Variants in ZNF660 observed in about 807,000 individuals in gnomAD.
ZNF660 encodes zinc finger protein 660.
A neutral mutation model predicts 23.2 loss-of-function variants in ZNF660; 24 were observed. The ratio of observed to expected loss-of-function variants is 1.04; its 90% CI spans 0.75 to 1.46. The LOEUF (loss-of-function observed/expected upper bound fraction) is 1.46, where lower values mean the gene tolerates loss of function less well. ZNF660 is among the 40% of genes most tolerant of loss of function. ZNF660 has a pLI of 0.00. For synonymous variants in ZNF660, 117 were observed against 131.4 expected, an observed-to-expected ratio of 0.89 and a Z score of 0.75; for missense variants, 373 against 396.8, an observed-to-expected ratio of 0.94 and a Z score of 0.51.
chr3:44,593,740 T>C (rs982891191), intron 2 of ZNF660, among the ~76,000 whole-genome samples: 1 of 143,406 alleles, frequency 7.0e-6, no homozygotes, highest in Non-Finnish European at 1.5e-5. Flanking sequence ...ATTCAGGGAG[T>C]AGAGGATGAG....
In ZNF660 at chr3:44,595,679, AG is replaced by A. The variant is rs1435565192; in HGVS notation, c.*491del. The stretch of plus-strand genomic sequence containing the variant: ...TGAGAATATACTAATTTTATATGCA[AG>A]AAAAAAAGCACAGTATTTTTTAAAT... On this transcript the variant is annotated 3_prime_UTR_variant, in exon 3 of 3. Coordinates refer to ENST00000322734, the MANE Select transcript of ZNF660 (RefSeq NM_173658.4). The A allele has an allele frequency of 6.0e-6, 1 of 167,532 alleles. No individual in the cohort carries two copies. Among genetic ancestry groups the A allele is most frequent in the African/African-American group, 2.4e-5 (1 of 41,462 alleles). The allele number at this position is 167,532 out of a possible 1,614,324, so 10.4% of individuals were successfully genotyped here.
At chr3:44,590,564 A>G (rs1180406426) in intron 2 of ZNF660, among the ~76,000 whole-genome samples, 3 of 152,196 alleles carry the variant, frequency 2.0e-5, no homozygotes, top group Non-Finnish European at 2.9e-5. Context: ...GAGCTTTAAC[A>G]TACAAATGTT....
chr3:44,588,909 T>C (rs1700324243), intron 2 of ZNF660, among the ~76,000 whole-genome samples: 1 of 152,250 alleles, frequency 6.6e-6, no homozygotes, highest in South Asian at 2.1e-4. Flanking sequence ...GACACTACCA[T>C]TCTTGGTATT....
At chr3:44,593,032 G>A (rs954685833) in intron 2 of ZNF660, among the ~76,000 whole-genome samples, 14 of 151,166 alleles carry the variant, frequency 9.3e-5, no homozygotes, top group Non-Finnish European at 1.3e-4. Flanking sequence ...CAGCCTGGGC[G>A]ACAGAGTGAG....
intron 2 of ZNF660, among the ~76,000 whole-genome samples, chr3:44,592,181 T>A (rs1356824097): frequency 6.6e-6 from 1 of 152,108 alleles, no homozygotes; most frequent in East Asian, 1.9e-4. Flanking sequence ...CATGAAAAAA[T>A]AATAAGTATG....
Position 44,594,218 on chromosome 3 carries a change from A to G in ZNF660, c.25A>G (p.Lys9Glu). 1 of 1,613,416 alleles carries G rather than the reference A, an allele frequency of 6.2e-7. No homozygotes were observed. The highest frequency in any genetic ancestry group is 8.5e-7 in the Non-Finnish European group (1 of 1,179,840). MRRKTRNF[K>E]HKTVKDNKVL... The stretch of plus-strand genomic sequence containing the variant: ...AATGAGGAGAAAGACAAGAAATTTC[A>G]AACATAAGACAGTTAAAGACAATAA... Residue 9 changes from lysine to glutamate, a missense_variant, in exon 3 of 3, where the codon AAA becomes GAA. Lys to Glu is a moderately conservative substitution (Grantham distance 56). Transcript: ENST00000322734.
chr3:44,587,704 T>A (rs1700271137), intron 2 of ZNF660, among the ~76,000 whole-genome samples: 1 of 152,250 alleles, frequency 6.6e-6, no homozygotes. Context: ...TGCATCGCTG[T>A]GCATTTCTCT....
At position 44,594,125 on chromosome 3, in the gene ZNF660, AT is replaced by A. The variant is rs2125753274; in HGVS notation, c.-66del. The A allele has an allele frequency of 6.2e-7, 1 of 1,601,836 alleles. No individual in the cohort carries two copies. Among genetic ancestry groups the A allele is most frequent in the South Asian group, 1.1e-5 (1 of 89,640 alleles). On this transcript the variant is annotated 5_prime_UTR_variant, in exon 3 of 3. Coordinates refer to ENST00000322734, the MANE Select transcript of ZNF660 (RefSeq NM_173658.4). ...CAGAGACATTGCCCAGGAAGTCAAA[AT>A]TTAGAAGGCTCCTCTGAAGGGAAAG...
Position 44,595,213 on chromosome 3 carries a change from G to T in ZNF660, c.*24G>T. On this transcript the variant is annotated 3_prime_UTR_variant, in exon 3 of 3. Transcript: ENST00000322734. ...AAATAACAAATATTGTGGGTAGTAG[G>T]GCTGACTGCTGCTTTTCTAAAAAGT... The T allele has an allele frequency of 6.6e-7, 1 of 1,519,918 alleles. No homozygotes were observed. The highest frequency in any genetic ancestry group is 8.8e-7 in the Non-Finnish European group (1 of 1,136,336). 94.2% of individuals were successfully genotyped at this position (1,519,918 alleles called of 1,614,324 possible).
rs188462164 is a variant in ZNF660 at position 44,594,482 on chromosome 3, C to T, written c.289C>T (p.Arg97Trp). The T allele has an allele frequency of 7.2e-5, 117 of 1,614,076 alleles. No individual in the cohort carries two copies. The highest frequency in any genetic ancestry group is 3.0e-4 in the Admixed American group (18 of 60,014). ...TCATAGCTCTAACCTTGTTGTTCAT[C>T]GGAGAATCCACACTGGACTGAAGCC... ...FSHSSNLVVH[R>W]RIHTGLKPYT... is the part of the protein sequence containing the mutation. The change falls in exon 3 of 3, where the codon CGG (arginine) becomes TGG (tryptophan). Residue 97 changes from arginine to tryptophan, a missense_variant. By Grantham distance (101) the Arg-to-Trp change is moderately radical (BLOSUM62 -3). Coordinates refer to ENST00000322734, the MANE Select transcript of ZNF660 (RefSeq NM_173658.4).
chr3:44,588,100 T>A (rs1181831036), intron 2 of ZNF660, among the ~76,000 whole-genome samples: 2 of 152,174 alleles, frequency 1.3e-5, no homozygotes, highest in Non-Finnish European at 2.9e-5. Flanking sequence ...GTGACTGGGT[T>A]AATTGTAAAG....
In ZNF660 at chr3:44,595,269, C is replaced by T. The variant is rs779297059; in HGVS notation, c.*80C>T. On this transcript the variant is annotated 3_prime_UTR_variant, in exon 3 of 3. Coordinates refer to ENST00000322734, the MANE Select transcript of ZNF660 (RefSeq NM_173658.4). Reference sequence around the variant, plus strand: ...TTTAGTATCAACTTTAATTCTACTTCTAAGAATCATACTCTACTTCTAAGA... The same window carrying T: ...TTTAGTATCAACTTTAATTCTACTTTTAAGAATCATACTCTACTTCTAAGA... 20 of 1,419,894 alleles carry T rather than the reference C, an allele frequency of 1.4e-5. No individual in the cohort carries two copies. Among genetic ancestry groups the T allele is most frequent in the Non-Finnish European group, 1.7e-5 (18 of 1,059,000 alleles). 88.0% of individuals were successfully genotyped at this position (1,419,894 alleles called of 1,614,324 possible). A position where few individuals can be genotyped will look rare whatever the true frequency, so the allele number is the denominator to read the frequency against.
intron 2 of ZNF660, among the ~76,000 whole-genome samples, chr3:44,588,345 C>T (rs1224213459): frequency 3.3e-5 from 5 of 151,992 alleles, no homozygotes; most frequent in African/African-American, 4.8e-5. Context: ...AAGAGGATGA[C>T]GATAAGCCAT....
In ZNF660 at chr3:44,594,865, AAAAACTT is replaced by A. The variant is rs765985878; in HGVS notation, c.673_679del (p.Lys225SerfsTer3). On this transcript the variant is annotated frameshift_variant, in exon 3 of 3. Transcript: ENST00000322734. LOFTEE classifies it high-confidence loss of function. ...AGCCTTATGAATGTGATGAGTGTGG[AAAAACTT>A]TCATCTTAAGGAAAACTCTTAATGA... 6.2e-7 allele frequency: 1 copy of A among 1,614,118 alleles called. No homozygotes were observed. Among genetic ancestry groups the A allele is most frequent in the South Asian group, 1.1e-5 (1 of 91,078 alleles).
intron 1 of ZNF660, 41 bp downstream of exon 1, chr3:44,585,048 G>C (rs1366437551): frequency 6.6e-6 from 1 of 152,500 alleles, no homozygotes; most frequent in Non-Finnish European, 1.5e-5. Context: ...GGTCGGGCCG[G>C]GTTCTGGGAG....
Position 44,586,171 on chromosome 3 carries a change from G to T in ZNF660, c.-223G>T, listed in dbSNP as rs1407077146. On this transcript the variant is annotated 5_prime_UTR_variant, in exon 2 of 3. Transcript: ENST00000322734. ...GAGGAGATCAGGCAAGATCTGTGCT[G>T]TGCAGATCCTTTGGATTGAGGCTGC... 6.6e-6 allele frequency: 1 copy of T among 152,240 alleles called. No homozygotes were observed. Among genetic ancestry groups the T allele is most frequent in the African/African-American group, 2.4e-5 (1 of 41,446 alleles). 9.4% of individuals were successfully genotyped at this position (152,240 alleles called of 1,614,324 possible).
At position 44,595,836 on chromosome 3, in the gene ZNF660, T is replaced by C. The variant is rs900506384; in HGVS notation, c.*647T>C. On this transcript the variant is annotated 3_prime_UTR_variant, in exon 3 of 3. Transcript: ENST00000322734. ...TGGAACCGCGAGCAAGTCCCTTCCTTTTAGAGCGTGTTTCCTGTTAAGTAA... is the reference window on the plus strand; with the variant it reads ...TGGAACCGCGAGCAAGTCCCTTCCTCTTAGAGCGTGTTTCCTGTTAAGTAA... The C allele has an allele frequency of 6.0e-6, 1 of 167,084 alleles. No homozygotes were observed. Among genetic ancestry groups the C allele is most frequent in the Non-Finnish European group, 1.5e-5 (1 of 68,120 alleles). 10.4% of individuals were successfully genotyped at this position (167,084 alleles called of 1,614,324 possible).
chr3:44,587,241 C>CA (rs1700255729), intron 2 of ZNF660: 1 of 152,166 alleles, frequency 6.6e-6, no homozygotes, highest in Admixed American at 6.5e-5. Flanking sequence ...TAAAGGAAGA[C>CA]AGCCTCCAAG....
chr3:44,595,834 C>T lies in ZNF660; in HGVS notation c.*645C>T. 1 of 167,200 alleles carries T rather than the reference C, an allele frequency of 6.0e-6. No individual in the cohort carries two copies. The allele number at this position is 167,200 out of a possible 1,614,324, so 10.4% of individuals were successfully genotyped here. A position where few individuals can be genotyped will look rare whatever the true frequency, so the allele number is the denominator to read the frequency against. On this transcript the variant is annotated 3_prime_UTR_variant, in exon 3 of 3. Transcript: ENST00000322734. ...AGTGGAACCGCGAGCAAGTCCCTTC[C>T]TTTTAGAGCGTGTTTCCTGTTAAGT...
Sources: gnomAD v4.1 joint callset for allele counts (sites outside exome capture counted in the v4.1 genomes callset) on GRCh38, gnomAD v4.1.1 for gene constraint, MANE v1.5 for transcripts, NCBI Gene and HGNC (gene_info 2026-07-23, HGNC 2026-07-21) for gene names.